The following ZNF26 variants were observed in gnomAD, a reference collection of about 807,000 sequenced individuals.
ZNF26 encodes epididymis luminal protein 179.
ZNF26 carries 32 observed loss-of-function variants against 54.9 expected under a neutral mutation model. That is an observed-to-expected ratio of 0.58 (90% confidence interval 0.44 to 0.78). ZNF26 has a LOEUF of 0.78. ZNF26 is among the 30% of genes least tolerant of loss of function. The pLI, the probability that ZNF26 is intolerant of heterozygous loss-of-function variation, is 0.00. For missense variants in ZNF26, 524 were observed against 634.0 expected, an observed-to-expected ratio of 0.83 and a Z score of 1.86; for synonymous variants, 221 against 209.2, an observed-to-expected ratio of 1.06 and a Z score of -0.49.
chr12:133,007,237 A>G, intron 2 of ZNF26, 69 bp downstream of exon 2: 2 of 1,569,938 alleles, frequency 1.3e-6, no homozygotes, highest in Non-Finnish European at 1.7e-6. Context: ...TTGTTGTTGA[A>G]CTACTCCGGG....
intron 1 of ZNF26, chr12:133,004,884 A>C (rs1953291144): frequency 6.6e-6 from 1 of 152,202 alleles, no homozygotes; most frequent in African/African-American, 2.4e-5. Context: ...AATCAGCATT[A>C]TTTTTTCTCA....
At chr12:133,000,984 C>T (rs1953207473) in intron 1 of ZNF26, among the ~76,000 whole-genome samples, 1 of 152,188 alleles carries the variant, frequency 6.6e-6, no homozygotes, top group South Asian at 2.1e-4. Context: ...CCTCTTCCAT[C>T]CTGTGTCCCC....
intron 3 of ZNF26, 101 bp from the exon 4 acceptor site, chr12:133,010,035 A>G (rs1388470142): frequency 3.9e-6 from 5 of 1,274,306 alleles, no homozygotes; most frequent in Non-Finnish European, 5.3e-6. Flanking sequence ...GCTTGTTACC[A>G]AAAGAGAAAG....
At chr12:132,993,027 C>CTTTTTTTTTTT (rs71079156) in intron 1 of ZNF26, among the ~76,000 whole-genome samples, 17 of 129,430 alleles carry the variant, frequency 1.3e-4, no homozygotes, top group East Asian at 2.3e-4. Context: ...ACTAGTATTT[C>CTTTTTTTTTTT]TTTTTTTTTT....
In ZNF26 at chr12:133,023,979, C is replaced by T. The variant is rs1225080785; in HGVS notation, c.*12498C>T. Reference sequence around the variant, plus strand: ...CCATATGCTCCCGTTCCATGCCTTTCTGGCTCCATGAGAAATTCTGACCCA... The same window carrying T: ...CCATATGCTCCCGTTCCATGCCTTTTTGGCTCCATGAGAAATTCTGACCCA... On this transcript the variant is annotated 3_prime_UTR_variant, in exon 4 of 4. Coordinates refer to ENST00000328654, the MANE Select transcript of ZNF26 (RefSeq NM_019591.4). 2 of 152,244 alleles carry T rather than the reference C, an allele frequency of 1.3e-5. No homozygotes were observed. The highest frequency in any genetic ancestry group is 4.8e-5 in the African/African-American group (2 of 41,462). The allele number at this position is 152,244 out of a possible 1,614,324, so 9.4% of individuals were successfully genotyped here. A position where few individuals can be genotyped will look rare whatever the true frequency, so the allele number is the denominator to read the frequency against.
Position 133,017,085 on chromosome 12 carries a change from A to G in ZNF26, c.*5604A>G, listed in dbSNP as rs1047174514. Reference sequence around the variant, plus strand: ...CCAAGAAAGTTGGAAACATAAAAAAATAAAAAGTCATGCTCGGCCAAATCT... The same window carrying G: ...CCAAGAAAGTTGGAAACATAAAAAAGTAAAAAGTCATGCTCGGCCAAATCT... On this transcript the variant is annotated 3_prime_UTR_variant, in exon 4 of 4. Transcript: ENST00000328654. 6 of 152,240 alleles carry G rather than the reference A, an allele frequency of 3.9e-5. No individual in the cohort carries two copies. Among genetic ancestry groups the G allele is most frequent in the Non-Finnish European group, 8.8e-5 (6 of 68,034 alleles). The allele number at this position is 152,240 out of a possible 1,614,324, so 9.4% of individuals were successfully genotyped here. A position where few individuals can be genotyped will look rare whatever the true frequency, so the allele number is the denominator to read the frequency against.
In ZNF26 at chr12:133,012,716, C is replaced by G. The variant is rs1278048924; in HGVS notation, c.*1235C>G. On this transcript the variant is annotated 3_prime_UTR_variant, in exon 4 of 4. Transcript: ENST00000328654. ...CAAGCAATTTCCTTGCCTCAGCCTC[C>G]CAAGTGGCTAGGATTACATGCCTGG... The G allele has an allele frequency of 6.6e-6, 1 of 150,640 alleles. No homozygotes were observed. The highest frequency in any genetic ancestry group is 1.5e-5 in the Non-Finnish European group (1 of 67,794). 9.3% of individuals were successfully genotyped at this position (150,640 alleles called of 1,614,324 possible).
rs1254184551 is a variant in ZNF26 at position 133,020,284 on chromosome 12, T to C, written c.*8803T>C. On this transcript the variant is annotated 3_prime_UTR_variant, in exon 4 of 4. Transcript: ENST00000328654. ...CAAGCACAGAAAGACAAATATTGCATGTTCTCACTCATATTTGAAAGCTAA... is the reference window on the plus strand; with the variant it reads ...CAAGCACAGAAAGACAAATATTGCACGTTCTCACTCATATTTGAAAGCTAA... 6.6e-6 allele frequency: 1 copy of C among 152,136 alleles called. No individual in the cohort carries two copies. The highest frequency in any genetic ancestry group is 1.5e-5 in the Non-Finnish European group (1 of 68,034). The allele number at this position is 152,136 out of a possible 1,614,324, so 9.4% of individuals were successfully genotyped here.
At chr12:132,987,833 C>A (rs893026965) in intron 1 of ZNF26, 1 of 664,360 alleles carries the variant, frequency 1.5e-6, no homozygotes, top group Non-Finnish European at 1.9e-6. Flanking sequence ...GCTAAAGAAA[C>A]GAGAGAAAGT....
chr12:133,000,511 G>A lies in ZNF26; in HGVS notation c.34-6531G>A, dbSNP rs775152222. On this transcript the variant is annotated intron_variant, in intron 1 of 3. Coordinates refer to ENST00000328654, the MANE Select transcript of ZNF26 (RefSeq NM_019591.4). ...ACGATCTTGGCTCACTGCAAGCTCCGCCTCCAGGGTTCACGCCATTCTCCT... is the reference window on the plus strand; with the variant it reads ...ACGATCTTGGCTCACTGCAAGCTCCACCTCCAGGGTTCACGCCATTCTCCT... 2.8e-3 allele frequency among the ~76,000 whole-genome samples: 388 copies of A among 139,764 alleles called. 2 individuals carry two copies. The highest frequency in any genetic ancestry group is 2.9e-3 in the Non-Finnish European group (190 of 66,178). 91.7% of individuals were successfully genotyped at this position (139,764 alleles called of 152,430 possible).
Position 133,019,325 on chromosome 12 carries a change from CAAACA to C in ZNF26, c.*7846_*7850del, listed in dbSNP as rs1953608325. 1.1e-5 allele frequency: 1 copy of C among 91,478 alleles called. No individual in the cohort carries two copies. The highest frequency in any genetic ancestry group is 2.4e-5 in the Non-Finnish European group (1 of 41,062). The allele number at this position is 91,478 out of a possible 1,614,324, so 5.7% of individuals were successfully genotyped here. On this transcript the variant is annotated 3_prime_UTR_variant, in exon 4 of 4. Coordinates refer to ENST00000328654, the MANE Select transcript of ZNF26 (RefSeq NM_019591.4). ...TAATTGCCAGAATATACAGGGAGCTCAAACAACTCTATAGCAAAAACAAAGAAAAA... is the reference window on the plus strand; with the variant it reads ...TAATTGCCAGAATATACAGGGAGCTCACTCTATAGCAAAAACAAAGAAAAA...
At position 133,015,353 on chromosome 12, in the gene ZNF26, CAAAAAAAA is replaced by C. The variant is rs67278075; in HGVS notation, c.*3882_*3889del. On this transcript the variant is annotated 3_prime_UTR_variant, in exon 4 of 4. Transcript: ENST00000328654. Reference sequence around the variant, plus strand: ...TGGGTGACAGAGTGAGACTCTGTCTCAAAAAAAAAAAAAAAAAGAAAAGAAAATGACAA... The same window carrying C: ...TGGGTGACAGAGTGAGACTCTGTCTCAAAAAAAAAGAAAAGAAAATGACAA... 2 of 98,442 alleles carry C rather than the reference CAAAAAAAA, an allele frequency of 2.0e-5. No homozygotes were observed. Among genetic ancestry groups the C allele is most frequent in the Admixed American group, 1.1e-4 (1 of 8,700 alleles). The allele number at this position is 98,442 out of a possible 1,614,324, so 6.1% of individuals were successfully genotyped here.
rs1953696252 is a variant in ZNF26 at position 133,025,835 on chromosome 12, G to A, written c.*14354G>A. ...TGAAGCTGTGTAACTTCCAAAGCTAGGTCATAAAAGGTGATGCAGCTTCCA... is the reference window on the plus strand; with the variant it reads ...TGAAGCTGTGTAACTTCCAAAGCTAAGTCATAAAAGGTGATGCAGCTTCCA... On this transcript the variant is annotated 3_prime_UTR_variant, in exon 4 of 4. Coordinates refer to ENST00000328654, the MANE Select transcript of ZNF26 (RefSeq NM_019591.4). 2 of 152,328 alleles carry A rather than the reference G, an allele frequency of 1.3e-5. No homozygotes were observed. Among genetic ancestry groups the A allele is most frequent in the African/African-American group, 4.8e-5 (2 of 41,562 alleles). 9.4% of individuals were successfully genotyped at this position (152,328 alleles called of 1,614,324 possible).
rs1314249026 is a variant in ZNF26 at position 133,020,431 on chromosome 12, AATG to A, written c.*8956_*8958del. 61 of 152,034 alleles carry A rather than the reference AATG, an allele frequency of 4.0e-4. 1 individual carries two copies. Among genetic ancestry groups the A allele is most frequent in the African/African-American group, 1.0e-3 (43 of 41,532 alleles). The allele number at this position is 152,034 out of a possible 1,614,324, so 9.4% of individuals were successfully genotyped here. A position where few individuals can be genotyped will look rare whatever the true frequency, so the allele number is the denominator to read the frequency against. On this transcript the variant is annotated 3_prime_UTR_variant, in exon 4 of 4. Coordinates refer to ENST00000328654, the MANE Select transcript of ZNF26 (RefSeq NM_019591.4). ...GCTGAACTGTACACTTAAAAATGGTAATGATGATAATATTTATAATATATTTAC... is the reference window on the plus strand; with the variant it reads ...GCTGAACTGTACACTTAAAAATGGTAATGATAATATTTATAATATATTTAC...
At chr12:133,003,481 C>T (rs1360608992) in intron 1 of ZNF26, among the ~76,000 whole-genome samples, 2 of 152,088 alleles carry the variant, frequency 1.3e-5, no homozygotes, top group East Asian at 1.9e-4. Flanking sequence ...GTCTCGATCT[C>T]GTGACCTTGT....
At position 133,021,305 on chromosome 12, in the gene ZNF26, C is replaced by T. The variant is rs1214912368; in HGVS notation, c.*9824C>T. 5 of 151,538 alleles carry T rather than the reference C, an allele frequency of 3.3e-5. No homozygotes were observed. Among genetic ancestry groups the T allele is most frequent in the African/African-American group, 1.2e-4 (5 of 41,330 alleles). The allele number at this position is 151,538 out of a possible 1,614,324, so 9.4% of individuals were successfully genotyped here. On this transcript the variant is annotated 3_prime_UTR_variant, in exon 4 of 4. Transcript: ENST00000328654. The stretch of plus-strand genomic sequence containing the variant: ...AGCTGGGATTACAGGTGCCCACCAC[C>T]ACGCCCAGCTAGTTTTTATATTTTT...
rs1266482417 is a variant in ZNF26, at chr12:133,012,611, A to G, written c.*1130A>G. ...TTTTTTTTTTTTTTTTTTTTTTTTG[A>G]GACTAAGTTTCACTCTTGTCCTCCA... On this transcript the variant is annotated 3_prime_UTR_variant, in exon 4 of 4. Transcript: ENST00000328654. 1.3e-4 allele frequency: 1 copy of G among 7,534 alleles called. No homozygotes were observed. Among genetic ancestry groups the G allele is most frequent in the Non-Finnish European group, 3.4e-4 (1 of 2,946 alleles). The allele number at this position is 7,534 out of a possible 1,614,324, so 0.5% of individuals were successfully genotyped here. A position where few individuals can be genotyped will look rare whatever the true frequency, so the allele number is the denominator to read the frequency against.
chr12:132,991,298 C>G (rs988864773), intron 1 of ZNF26, among the ~76,000 whole-genome samples: 4 of 148,044 alleles, frequency 2.7e-5, no homozygotes, highest in African/African-American at 1.0e-4. Flanking sequence ...ATGTTCAAGA[C>G]CAGCCTGATC....
rs1313097291 is a variant in ZNF26 at position 133,022,973 on chromosome 12, C to CT, written c.*11493dup. On this transcript the variant is annotated 3_prime_UTR_variant, in exon 4 of 4. Transcript: ENST00000328654. ...AAATCTTTAGGATAGTGTCTACACC[C>CT]TGTGGAAGAAGCAGTGAGTTGGAAA... 6.6e-6 allele frequency: 1 copy of CT among 152,152 alleles called. No homozygotes were observed. The highest frequency in any genetic ancestry group is 1.5e-5 in the Non-Finnish European group (1 of 68,030). The allele number at this position is 152,152 out of a possible 1,614,324, so 9.4% of individuals were successfully genotyped here. A position where few individuals can be genotyped will look rare whatever the true frequency, so the allele number is the denominator to read the frequency against.
Sources: allele counts gnomAD v4.1 joint callset (sites outside exome capture counted in the v4.1 genomes callset), GRCh38; gene constraint gnomAD v4.1.1; transcripts MANE v1.5; gene names NCBI Gene and HGNC (gene_info 2026-07-23, HGNC 2026-07-21).